The following PHF14 variants were observed in gnomAD, a reference collection of about 807,000 sequenced individuals.
PHF14 encodes the protein PHD finger protein 14.
PHF14 carries 55 observed loss-of-function variants against 117.9 expected under a neutral mutation model. The observed-to-expected ratio is 0.47, with a 90% CI of 0.38 to 0.58. The LOEUF (loss-of-function observed/expected upper bound fraction) is 0.58. PHF14 is among the 20% of genes least tolerant of loss of function. The pLI is 0.00. For synonymous variants in PHF14, 409 were observed against 368.6 expected (o/e 1.11, Z -1.26); for missense variants, 978 against 1,122.2 (o/e 0.87, Z 1.84).
intron 17 of PHF14, among the ~76,000 whole-genome samples, chr7:11,123,141 C>T (rs2128346672): frequency 6.6e-6 from 1 of 152,130 alleles, no homozygotes; most frequent in Non-Finnish European, 1.5e-5. Context: ...CAGTTGATAG[C>T]ATCTATACCC....
intron 4 of PHF14, among the ~76,000 whole-genome samples, chr7:10,994,026 A>AT (rs1227856405): frequency 2.7e-5 from 4 of 149,414 alleles, no homozygotes; most frequent in Non-Finnish European, 5.9e-5. Flanking sequence ...AAAAAAAAAA[A>AT]GTTGTTAAGG....
At chr7:11,122,007 C>G (rs1314649596) in intron 17 of PHF14, among the ~76,000 whole-genome samples, 2 of 151,632 alleles carry the variant, frequency 1.3e-5, no homozygotes, top group Admixed American at 6.6e-5. Flanking sequence ...TGCACTTCCT[C>G]CCCTTGCCCT....
chr7:11,148,181 C>A (rs1263424426), intron 17 of PHF14, among the ~76,000 whole-genome samples: 4 of 152,090 alleles, frequency 2.6e-5, no homozygotes, highest in African/African-American at 4.8e-5. Context: ...TAATTTCTAC[C>A]CATCTTTCTC....
intron 3 of PHF14, among the ~76,000 whole-genome samples, chr7:10,988,644 T>A (rs1782330999): frequency 6.6e-6 from 1 of 151,016 alleles, no homozygotes; most frequent in Non-Finnish European, 1.5e-5. Context: ...AGCTTGCAAC[T>A]TTTCTTTTGG....
intron 17 of PHF14, among the ~76,000 whole-genome samples, chr7:11,131,456 G>C (rs1423525913): frequency 2.0e-5 from 3 of 151,844 alleles, no homozygotes; most frequent in Non-Finnish European, 4.4e-5. Flanking sequence ...TCTTTTATGA[G>C]ATACCTATTC....
chr7:11,078,410 A>C (rs144150325), intron 16 of PHF14, among the ~76,000 whole-genome samples: 49 of 152,280 alleles, frequency 3.2e-4, no homozygotes, highest in South Asian at 2.9e-3. Context: ...TAAGAGGTTG[A>C]AATTTTGGTT....
chr7:11,014,050 T>C (rs1783440290), intron 5 of PHF14, 144 bp downstream of exon 5: 1 of 534,776 alleles, frequency 1.9e-6, no homozygotes, highest in African/African-American at 1.9e-5. Context: ...ACCAGTGGGA[T>C]ACAGATGGAG....
In PHF14 at chr7:11,036,482, C is replaced by A; in HGVS notation, c.1667C>A (p.Pro556His). 6.2e-7 allele frequency: 1 copy of A among 1,613,800 alleles called. No individual in the cohort carries two copies. Among genetic ancestry groups the A allele is most frequent in the Non-Finnish European group, 8.5e-7 (1 of 1,179,750 alleles). Residue 556 changes from proline (P) to histidine (H), a missense_variant, in exon 9 of 18, where the codon CCC (proline) becomes CAC (histidine). Pro to His is a moderately conservative substitution (Grantham distance 77). This residue lies in a region of PHF14 where 237 missense variants were observed against 276.4 expected (regional missense o/e 0.86). Transcript: ENST00000634607. The part of the protein sequence containing the change: ...AKAELARSTR[P>H]QAWVPREKLP... ...GCAGAACTAGCTCGATCTACCAGAC[C>A]CCAGGCCTGGGTTCCAAGGGAAAAA...
At chr7:11,008,066 A>G (rs529705366) in intron 4 of PHF14, among the ~76,000 whole-genome samples, 2 of 152,118 alleles carry the variant, frequency 1.3e-5, no homozygotes, top group East Asian at 1.9e-4. Flanking sequence ...AGTGTGTCTG[A>G]ATTCAGGAGA....
chr7:10,984,694 C>T (rs1782154635), intron 3 of PHF14, among the ~76,000 whole-genome samples: 1 of 152,148 alleles, frequency 6.6e-6, no homozygotes. Flanking sequence ...GGGACACCTG[C>T]ATGTGTTTAG....
chr7:11,010,465 A>G (rs987077208), intron 4 of PHF14, among the ~76,000 whole-genome samples: 2 of 151,984 alleles, frequency 1.3e-5, no homozygotes, highest in African/African-American at 4.8e-5. Flanking sequence ...TTGACATTTT[A>G]TATGACTTTC....
chr7:11,083,685 A>T (rs943537769), intron 16 of PHF14, among the ~76,000 whole-genome samples: 1 of 150,922 alleles, frequency 6.6e-6, no homozygotes, highest in Non-Finnish European at 1.5e-5. Context: ...CTGGTCTCAA[A>T]CTCCTGACCT....
intron 17 of PHF14, among the ~76,000 whole-genome samples, chr7:11,149,296 G>C (rs1405593470): frequency 1.9e-4 from 29 of 151,938 alleles, no homozygotes; most frequent in Admixed American, 1.9e-3. Flanking sequence ...GACTCATTAT[G>C]GTCAGTACTG....
intron 4 of PHF14, among the ~76,000 whole-genome samples, chr7:11,005,018 A>G (rs1418139857): frequency 1.3e-5 from 2 of 150,898 alleles, no homozygotes. Context: ...TTCCGTCTCA[A>G]AAAAAAAATG....
At chr7:11,149,697 A>C (rs1196810181) in intron 17 of PHF14, among the ~76,000 whole-genome samples, 1 of 152,168 alleles carries the variant, frequency 6.6e-6, no homozygotes, top group Non-Finnish European at 1.5e-5. Flanking sequence ...ACAGAATTTA[A>C]AAGTTGTCTT....
intron 5 of PHF14, among the ~76,000 whole-genome samples, chr7:11,014,151 G>A (rs982177665): frequency 1.3e-5 from 2 of 152,116 alleles, no homozygotes; most frequent in Non-Finnish European, 2.9e-5. Context: ...CCTATGATGA[G>A]GCAGGTGGTA....
intron 2 of PHF14, among the ~76,000 whole-genome samples, chr7:10,978,338 T>G (rs1394636803): frequency 6.6e-6 from 1 of 152,178 alleles, no homozygotes; most frequent in Non-Finnish European, 1.5e-5. Flanking sequence ...CAAAGGATGG[T>G]TGATCACTTG....
intron 16 of PHF14, chr7:11,104,523 A>G (rs1040698209): frequency 7.1e-6 from 7 of 982,044 alleles, no homozygotes; most frequent in East Asian, 1.1e-4. Context: ...ACAGACCTAC[A>G]TAAGAAAAAA....
chr7:11,148,383 AC>A (rs1355024319), intron 17 of PHF14, among the ~76,000 whole-genome samples: 2 of 152,104 alleles, frequency 1.3e-5, no homozygotes, highest in Non-Finnish European at 2.9e-5. Context: ...CTACTTTAGG[AC>A]CGTTGCCCTT....
Sources: allele counts gnomAD v4.1 joint callset (sites outside exome capture counted in the v4.1 genomes callset), GRCh38; gene constraint gnomAD v4.1.1; regional missense constraint gnomAD v4.1.1; transcripts MANE v1.5; gene names NCBI Gene and HGNC (gene_info 2026-07-23, HGNC 2026-07-21).